PBRM1: variants seen among roughly 807,000 people sequenced by gnomAD.
PBRM1 encodes protein polybromo-1.
Under a neutral mutation model 194.5 loss-of-function variants are expected in PBRM1, and 27 were observed. The ratio of observed to expected loss-of-function variants is 0.14; its 90% CI spans 0.10 to 0.19. The LOEUF (loss-of-function observed/expected upper bound fraction) is 0.19, where lower values mean the gene tolerates loss of function less well. Ranked by LOEUF, PBRM1 falls within the 10% of genes least tolerant of loss-of-function variation. The probability of loss-of-function intolerance (pLI) is 1.00; values close to 1 mark genes in which losing one functional copy is unlikely to be tolerated. For missense variants in PBRM1, 1,466 were observed against 2,077.2 expected (o/e 0.71, Z 5.72); for synonymous variants, 655 against 693.2 (o/e 0.94, Z 0.87).
intron 22 of PBRM1, among the ~76,000 whole-genome samples, chr3:52,574,677 G>A (rs536073650): frequency 1.8e-4 from 28 of 152,278 alleles, no homozygotes; most frequent in African/African-American, 6.7e-4. Flanking sequence ...ATTTCTGGCT[G>A]ACCTTCAAGC....
exon 25 of PBRM1, chr3:52,561,882 A>G (rs1003978427): frequency 1.4e-5 from 22 of 1,613,890 alleles, no homozygotes; most frequent in Non-Finnish European, 1.9e-5. Context: ...CCCTCATCTC[A>G]CTGCTGAACA....
intron 2 of PBRM1, among the ~76,000 whole-genome samples, chr3:52,670,618 G>A (rs2096926989): frequency 6.6e-6 from 1 of 152,218 alleles, no homozygotes; most frequent in Non-Finnish European, 1.5e-5. Flanking sequence ...GCCCTGGTGT[G>A]CAGACAGCCT....
intron 10 of PBRM1, among the ~76,000 whole-genome samples, chr3:52,636,104 C>A (rs1405051795): frequency 6.6e-6 from 1 of 152,010 alleles, no homozygotes; most frequent in Admixed American, 6.6e-5. Context: ...ATCTCCTGAC[C>A]TCGTGATCTG....
chr3:52,580,972 C>T (rs970508694), intron 20 of PBRM1, among the ~76,000 whole-genome samples: 1 of 152,102 alleles, frequency 6.6e-6, no homozygotes, highest in African/African-American at 2.4e-5. Flanking sequence ...TAAAGAAGAA[C>T]CATCATTTAC....
chr3:52,650,145 T>G (rs1358320181), intron 6 of PBRM1, among the ~76,000 whole-genome samples: 1 of 151,918 alleles, frequency 6.6e-6, no homozygotes, highest in Non-Finnish European at 1.5e-5. Context: ...GGTGGATCAC[T>G]TGAAGTCAGG....
At chr3:52,584,052 A>T (rs1370866930) in intron 20 of PBRM1, among the ~76,000 whole-genome samples, 1 of 152,192 alleles carries the variant, frequency 6.6e-6, no homozygotes, top group Non-Finnish European at 1.5e-5. Context: ...CAAAGGGCAA[A>T]GCTCTCTTTC....
intron 10 of PBRM1, among the ~76,000 whole-genome samples, chr3:52,636,943 G>C (rs899201585): frequency 6.6e-6 from 1 of 151,666 alleles, no homozygotes; most frequent in African/African-American, 2.4e-5. Context: ...ACACAAGATG[G>C]GTATTATTTC....
chr3:52,625,889 C>G (rs2095432292), intron 13 of PBRM1, among the ~76,000 whole-genome samples: 1 of 152,066 alleles, frequency 6.6e-6, no homozygotes, highest in Admixed American at 6.6e-5. Flanking sequence ...AAAACTTTAG[C>G]TTATTTGAGT....
chr3:52,636,431 C>T (rs746796487), intron 10 of PBRM1, among the ~76,000 whole-genome samples: 12 of 151,844 alleles, frequency 7.9e-5, no homozygotes, highest in Non-Finnish European at 1.5e-4. Context: ...CATATAGTTG[C>T]TATGTACTCT....
chr3:52,586,599 C>A (rs201103279), exon 20 of PBRM1: 2 of 1,613,964 alleles, frequency 1.2e-6, no homozygotes, highest in Non-Finnish European at 1.7e-6. Flanking sequence ...GTTTAATTTT[C>A]TTAAAAGATT....
chr3:52,584,836 A>C (rs963351194), intron 20 of PBRM1, among the ~76,000 whole-genome samples: 3 of 152,300 alleles, frequency 2.0e-5, no homozygotes, highest in Non-Finnish European at 4.4e-5. Flanking sequence ...ATTAAGTAAC[A>C]CTAGAACAGT....
intron 21 of PBRM1, among the ~76,000 whole-genome samples, chr3:52,578,070 T>G (rs2090148774): frequency 6.6e-6 from 1 of 152,202 alleles, no homozygotes; most frequent in South Asian, 2.1e-4. Flanking sequence ...CTGTTCCCAC[T>G]GCCTGGAATC....
At chr3:52,654,950 A>G (rs1038350779) in intron 5 of PBRM1, among the ~76,000 whole-genome samples, 1 of 152,018 alleles carries the variant, frequency 6.6e-6, no homozygotes, top group African/African-American at 2.4e-5. Flanking sequence ...CACCATGACT[A>G]GCTAATTAAA....
chr3:52,677,903 C>T (rs1263263887), intron 2 of PBRM1, among the ~76,000 whole-genome samples: 1 of 152,096 alleles, frequency 6.6e-6, no homozygotes, highest in Non-Finnish European at 1.5e-5. Flanking sequence ...CAAGCTCTTG[C>T]TCCATCACCC....
chr3:52,578,725 G>C (rs1390608407), intron 21 of PBRM1, among the ~76,000 whole-genome samples: 1 of 152,224 alleles, frequency 6.6e-6, no homozygotes, highest in Admixed American at 6.5e-5. Context: ...TTGAGAGTGT[G>C]CAACAGGGAG....
chr3:52,672,928 C>T (rs1385940809), intron 2 of PBRM1, among the ~76,000 whole-genome samples: 12 of 152,076 alleles, frequency 7.9e-5, no homozygotes, highest in Non-Finnish European at 1.8e-4. Flanking sequence ...AAAACTGATC[C>T]CTTTTAACTA....
intron 25 of PBRM1, among the ~76,000 whole-genome samples, chr3:52,560,920 C>A (rs2083376685): frequency 6.6e-6 from 1 of 151,610 alleles, no homozygotes; most frequent in African/African-American, 2.4e-5. Flanking sequence ...TAGAACTGTA[C>A]CCACCTAAGA....
intron 20 of PBRM1, among the ~76,000 whole-genome samples, chr3:52,584,337 A>G (rs559385849): frequency 6.6e-6 from 1 of 151,322 alleles, no homozygotes; most frequent in East Asian, 1.9e-4. Flanking sequence ...TTACTAGTTT[A>G]TATATGAAGA....
intron 20 of PBRM1, among the ~76,000 whole-genome samples, chr3:52,581,169 T>C (rs761980013): frequency 6.6e-5 from 10 of 152,360 alleles, no homozygotes; most frequent in Admixed American, 6.5e-5. Flanking sequence ...TTCTGATCTT[T>C]ATGACTTCAA....
Sources: gnomAD v4.1 joint callset for allele counts (sites outside exome capture counted in the v4.1 genomes callset) on GRCh38, gnomAD v4.1.1 for gene constraint, MANE v1.5 for transcripts, NCBI Gene and HGNC (gene_info 2026-07-23, HGNC 2026-07-21) for gene names.